MDM4: variants seen among roughly 807,000 people sequenced by gnomAD.
The protein encoded by MDM4 is MDM4 regulator of p53.
MDM4 carries 2 observed loss-of-function variants against 60.2 expected under a neutral mutation model. That is an observed-to-expected ratio of 0.03 (90% confidence interval 0.01 to 0.10). The LOEUF (loss-of-function observed/expected upper bound fraction) is 0.10. Among genes scored for constraint, MDM4 ranks in the 10% least tolerant of loss-of-function variants. The pLI is 1.00. For synonymous variants in MDM4, 202 were observed against 198.1 expected, an observed-to-expected ratio of 1.02 and a Z score of -0.17; for missense variants, 447 against 577.5, an observed-to-expected ratio of 0.77 and a Z score of 2.32.
rs951054670 is a variant in MDM4 at position 204,525,447 on chromosome 1, A to G, written c.-35-37A>G. The G allele has an allele frequency of 1.2e-5, 19 of 1,542,278 alleles. No individual in the cohort carries two copies. In the Admixed American group the frequency reaches 3.4e-4, roughly 28 times the overall value. On this transcript the variant is annotated intron_variant, in intron 1 of 10. Coordinates refer to ENST00000367182, the MANE Select transcript of MDM4 (RefSeq NM_002393.5). The stretch of plus-strand genomic sequence containing the variant: ...GAATGCTAAATAGGGAATTTTCTGC[A>G]TTAGAATAGATGTTATAAATTTTTT...
At chr1:204,530,077 T>C (rs1464225060) in intron 3 of MDM4, among the ~76,000 whole-genome samples, 1 of 152,178 alleles carries the variant, frequency 6.6e-6, no homozygotes, top group Admixed American at 6.5e-5. Flanking sequence ...GGTTTTGCCA[T>C]GTTGCCCAGG....
rs1663490228 is a variant in MDM4, at chr1:204,555,691, C to T, written c.*6009C>T. On this transcript the variant is annotated 3_prime_UTR_variant, in exon 11 of 11. Coordinates refer to ENST00000367182, the MANE Select transcript of MDM4 (RefSeq NM_002393.5). ...ACCAGTCTGACCAGTATGGTGAAACCCTGTCTCTACTAAAAATACAAAAAT... is the reference window on the plus strand; with the variant it reads ...ACCAGTCTGACCAGTATGGTGAAACTCTGTCTCTACTAAAAATACAAAAAT... 1 of 166,972 alleles carries T rather than the reference C, an allele frequency of 6.0e-6. No individual in the cohort carries two copies. The highest frequency in any genetic ancestry group is 2.4e-5 in the African/African-American group (1 of 41,806). 10.3% of individuals were successfully genotyped at this position (166,972 alleles called of 1,614,324 possible). A position where few individuals can be genotyped will look rare whatever the true frequency, so the allele number is the denominator to read the frequency against.
rs1215077978 is a variant in MDM4 at position 204,554,419 on chromosome 1, T to G, written c.*4737T>G. 8.8e-6 allele frequency: 2 copies of G among 226,362 alleles called. No homozygotes were observed. The highest frequency in any genetic ancestry group is 4.4e-5 in the African/African-American group (2 of 44,984). 14.0% of individuals were successfully genotyped at this position (226,362 alleles called of 1,614,324 possible). A position where few individuals can be genotyped will look rare whatever the true frequency, so the allele number is the denominator to read the frequency against. ...GAGTGTGCATGTGTGCAAGCATGTT[T>G]TGATCCTGATGCTACCTTTGCTAAA... is the stretch of plus-strand genomic sequence containing the variant. On this transcript the variant is annotated 3_prime_UTR_variant, in exon 11 of 11. Coordinates refer to ENST00000367182, the MANE Select transcript of MDM4 (RefSeq NM_002393.5).
At chr1:204,518,814 T>C (rs1659258362) in intron 1 of MDM4, among the ~76,000 whole-genome samples, 1 of 152,194 alleles carries the variant, frequency 6.6e-6, no homozygotes, top group East Asian at 1.9e-4. Flanking sequence ...ACAGGCGTTG[T>C]GCCACCACGC....
intron 5 of MDM4, 143 bp downstream of exon 5, chr1:204,532,389 AATGTT>A (rs1430669540): frequency 1.8e-5 from 11 of 621,338 alleles, no homozygotes; most frequent in South Asian, 4.0e-5. Context: ...TGTCACACAG[AATGTT>A]ATGTTATTAA....
intron 8 of MDM4, 112 bp downstream of exon 8, chr1:204,543,056 C>T (rs1055635494): frequency 7.7e-6 from 7 of 908,734 alleles, no homozygotes; most frequent in African/African-American, 1.7e-5. Context: ...ACTCCTATGG[C>T]GTTAAATACC....
rs1020765076 is a variant in MDM4 at position 204,553,903 on chromosome 1, A to C, written c.*4221A>C. 1 of 223,964 alleles carries C rather than the reference A, an allele frequency of 4.5e-6. No homozygotes were observed. Among genetic ancestry groups the C allele is most frequent in the East Asian group, 6.5e-5 (1 of 15,370 alleles). 13.9% of individuals were successfully genotyped at this position (223,964 alleles called of 1,614,324 possible). On this transcript the variant is annotated 3_prime_UTR_variant, in exon 11 of 11. Coordinates refer to ENST00000367182, the MANE Select transcript of MDM4 (RefSeq NM_002393.5). ...TGGGTTTCTAATCCTAGGCTTGTAC[A>C]ATGGATTGGAGTTGAGCCATGCCAG...
Position 204,550,552 on chromosome 1 carries a change from A to ATGT in MDM4, c.*871_*873dup, listed in dbSNP as rs1663104984. 1 of 163,778 alleles carries ATGT rather than the reference A, an allele frequency of 6.1e-6. No homozygotes were observed. The highest frequency in any genetic ancestry group is 2.8e-5 in the African/African-American group (1 of 35,994). 10.1% of individuals were successfully genotyped at this position (163,778 alleles called of 1,614,324 possible). A position where few individuals can be genotyped will look rare whatever the true frequency, so the allele number is the denominator to read the frequency against. On this transcript the variant is annotated 3_prime_UTR_variant, in exon 11 of 11. Coordinates refer to ENST00000367182, the MANE Select transcript of MDM4 (RefSeq NM_002393.5). ...CTATCCAACATATTGCATATTATAT[A>ATGT]TGTGCTTTAAAGTTTTTTTTTTTTT...
chr1:204,535,403 C>T (rs1395925503), intron 5 of MDM4, among the ~76,000 whole-genome samples: 4 of 151,900 alleles, frequency 2.6e-5, no homozygotes, highest in East Asian at 1.9e-4. Flanking sequence ...GTGATCTGCC[C>T]GCCTTGGCCT....
intron 3 of MDM4, among the ~76,000 whole-genome samples, chr1:204,528,077 T>A (rs944585935): frequency 1.5e-4 from 23 of 151,526 alleles, no homozygotes; most frequent in African/African-American, 5.3e-4. Context: ...GTCTGGAATT[T>A]TTTTTTTTTT....
At chr1:204,543,288 T>G (rs1021189213) in intron 8 of MDM4, among the ~76,000 whole-genome samples, 1 of 152,216 alleles carries the variant, frequency 6.6e-6, no homozygotes, top group Non-Finnish European at 1.5e-5. Context: ...GGAGGATTGC[T>G]TGAGCCCAGG....
At chr1:204,542,475 A>G (rs960053199) in intron 7 of MDM4, among the ~76,000 whole-genome samples, 5 of 152,200 alleles carry the variant, frequency 3.3e-5, no homozygotes, top group African/African-American at 1.2e-4. Context: ...TTCTTTTAGC[A>G]CAAGGTCATT....
At chr1:204,543,216 C>T (rs895754751) in intron 8 of MDM4, among the ~76,000 whole-genome samples, 10 of 152,142 alleles carry the variant, frequency 6.6e-5, no homozygotes, top group African/African-American at 2.2e-4. Flanking sequence ...TTTGGCTGTG[C>T]GTAGTGGCTC....
In MDM4 at chr1:204,549,613, G is replaced by A. The variant is rs4252742; in HGVS notation, c.1404G>A (p.Lys468=). ...GTTTTCACTGTGCCAGAAGACTAAAGAAGGCTGGGGCTTCATGCCCTATTT... is the reference window on the plus strand; with the variant it reads ...GTTTTCACTGTGCCAGAAGACTAAAAAAGGCTGGGGCTTCATGCCCTATTT... ...VTCFHCARRL[K]KAGASCPICK... The change falls in exon 11 of 11, where the codon AAG becomes AAA. Residue 468 remains lysine, a synonymous_variant. Coordinates refer to ENST00000367182, the MANE Select transcript of MDM4 (RefSeq NM_002393.5). 1.6e-3 allele frequency: 2,544 copies of A among 1,605,666 alleles called. 33 individuals carry two copies. In the African/African-American group the frequency reaches 0.029, roughly 19 times the overall value.
intron 1 of MDM4, among the ~76,000 whole-genome samples, chr1:204,521,818 A>G (rs1273642067): frequency 6.6e-6 from 1 of 152,222 alleles, no homozygotes; most frequent in African/African-American, 2.4e-5. Context: ...ATAGACAGTT[A>G]CAAATTCCTG....
At position 204,550,023 on chromosome 1, in the gene MDM4, A is replaced by C. The variant is rs1386867216; in HGVS notation, c.*341A>C. The C allele has an allele frequency of 4.0e-6, 1 of 248,142 alleles. No homozygotes were observed. The highest frequency in any genetic ancestry group is 7.8e-6 in the Non-Finnish European group (1 of 128,512). The allele number at this position is 248,142 out of a possible 1,614,324, so 15.4% of individuals were successfully genotyped here. ...TGTTTCCTTCTAACGAGTTGTAGAAATCTGAGTAACCACCCAAAAAAGCAA... is the reference window on the plus strand; with the variant it reads ...TGTTTCCTTCTAACGAGTTGTAGAACTCTGAGTAACCACCCAAAAAAGCAA... On this transcript the variant is annotated 3_prime_UTR_variant, in exon 11 of 11. Transcript: ENST00000367182.
rs1331230918 is a variant in MDM4, at chr1:204,526,439, G to GCCAT, written c.153+7_153+10dup. 1 of 1,577,196 alleles carries GCCAT rather than the reference G, an allele frequency of 6.3e-7. No homozygotes were observed. Among genetic ancestry groups the GCCAT allele is most frequent in the South Asian group, 1.2e-5 (1 of 85,284 alleles). The stretch of plus-strand genomic sequence containing the variant: ...GAAATGTTCACTGTTAAAGAGGTAA[G>GCCAT]CCATCAAATAAAATTCTCATTTTTT... On this transcript the variant is annotated splice_donor_region_variant and intron_variant, in intron 3 of 10. Coordinates refer to ENST00000367182, the MANE Select transcript of MDM4 (RefSeq NM_002393.5).
At chr1:204,542,127 C>A (rs1662153678) in intron 7 of MDM4, among the ~76,000 whole-genome samples, 1 of 152,186 alleles carries the variant, frequency 6.6e-6, no homozygotes, top group African/African-American at 2.4e-5. Flanking sequence ...TGTCTAGATA[C>A]TTAACTCTAA....
At position 204,551,119 on chromosome 1, in the gene MDM4, T is replaced by C; in HGVS notation, c.*1437T>C. On this transcript the variant is annotated 3_prime_UTR_variant, in exon 11 of 11. Transcript: ENST00000367182. ...GTGCACTGGCACAATCACAGTTCAC[T>C]GCAGCCTCGACCTCCCAGATCCAAG... The C allele has an allele frequency of 5.3e-6, 1 of 189,914 alleles. No individual in the cohort carries two copies. The highest frequency in any genetic ancestry group is 1.1e-5 in the Non-Finnish European group (1 of 90,554). 11.8% of individuals were successfully genotyped at this position (189,914 alleles called of 1,614,324 possible).
Sources: allele counts gnomAD v4.1 joint callset (sites outside exome capture counted in the v4.1 genomes callset), GRCh38; gene constraint gnomAD v4.1.1; transcripts MANE v1.5; gene names NCBI Gene and HGNC (gene_info 2026-07-23, HGNC 2026-07-21).